The following ALPK1 variants were observed in gnomAD, a reference collection of about 807,000 sequenced individuals.
ALPK1 encodes alpha-protein kinase 1.
ALPK1 carries 110 observed loss-of-function variants against 120.6 expected under a neutral mutation model. The ratio of observed to expected loss-of-function variants is 0.91; its 90% CI spans 0.78 to 1.07. The LOEUF (loss-of-function observed/expected upper bound fraction) is 1.07. ALPK1 is among the 50% of genes least tolerant of loss of function. ALPK1 has a pLI of 0.00. For synonymous variants in ALPK1, 582 were observed against 560.3 expected (o/e 1.04, Z -0.55); for missense variants, 1,498 against 1,483.9 (o/e 1.01, Z -0.16).
chr4:112,396,662 C>T (rs888124650), intron 4 of ALPK1, among the ~76,000 whole-genome samples: 2 of 152,194 alleles, frequency 1.3e-5, no homozygotes, highest in African/African-American at 4.8e-5. Flanking sequence ...CAATCTCACC[C>T]TCAATCCACT....
At chr4:112,409,303 T>C (rs1034841271) in intron 4 of ALPK1, among the ~76,000 whole-genome samples, 3 of 152,082 alleles carry the variant, frequency 2.0e-5, no homozygotes, top group Non-Finnish European at 4.4e-5. Context: ...GCAGTTTCCC[T>C]AGAAAGGGTT....
chr4:112,380,380 C>G (rs1578518286), intron 3 of ALPK1, among the ~76,000 whole-genome samples: 1 of 152,178 alleles, frequency 6.6e-6, no homozygotes, highest in East Asian at 1.9e-4. Context: ...ACAGTAGATG[C>G]TCAGTAGTCC....
Position 112,411,811 on chromosome 4 carries a change from C to G in ALPK1, c.277-16C>G. 6.2e-7 allele frequency: 1 copy of G among 1,600,382 alleles called. No homozygotes were observed. Among genetic ancestry groups the G allele is most frequent in the Non-Finnish European group, 8.5e-7 (1 of 1,173,838 alleles). ...CGTTTCCGCCTGGCTCACGATGTTC[C>G]ACGCTGTTCCTCCAGGCGTCCCTGA... On this transcript the variant is annotated splice_polypyrimidine_tract_variant and intron_variant, in intron 4 of 15. Transcript: ENST00000650871.
chr4:112,315,185 T>C (rs756189648), intron 1 of ALPK1, among the ~76,000 whole-genome samples: 1 of 152,096 alleles, frequency 6.6e-6, no homozygotes, highest in Non-Finnish European at 1.5e-5. Flanking sequence ...CCCGGCCACA[T>C]TGTCATTTTA....
At chr4:112,391,559 T>C (rs897935914) in intron 4 of ALPK1, among the ~76,000 whole-genome samples, 1 of 152,252 alleles carries the variant, frequency 6.6e-6, no homozygotes, top group East Asian at 1.9e-4. Flanking sequence ...CATACTGGAG[T>C]AGGGTGAGCC....
intron 2 of ALPK1, chr4:112,356,084 G>A (rs1730598726): frequency 1.9e-6 from 2 of 1,080,298 alleles, no homozygotes; most frequent in East Asian, 2.4e-5. Context: ...TCACAGACCC[G>A]AATAGCCTGC....
At position 112,430,905 on chromosome 4, in the gene ALPK1, A is replaced by C. The variant is rs1734512951; in HGVS notation, c.1358A>C (p.Gln453Pro). The C allele has an allele frequency of 6.2e-7, 1 of 1,614,066 alleles. No individual in the cohort carries two copies. Among genetic ancestry groups the C allele is most frequent in the African/African-American group, 1.3e-5 (1 of 74,940 alleles). Residue 453 changes from glutamine to proline, a missense_variant, in exon 11 of 16, where the codon CAA becomes CCA. By Grantham distance (76) the Gln-to-Pro change is moderately conservative (BLOSUM62 -1). Transcript: ENST00000650871. ...KLILHGQGDF[Q>P]KILDTYSQHH... is the part of the protein sequence containing the mutation. ...ATCTTGCATGGGCAAGGGGATTTCC[A>C]AAAAATCCTTGACACCTATTCACAG...
chr4:112,345,720 T>A (rs979302225), intron 2 of ALPK1, among the ~76,000 whole-genome samples: 1 of 152,336 alleles, frequency 6.6e-6, no homozygotes, highest in Middle Eastern at 3.4e-3. Flanking sequence ...CTTCATGTAC[T>A]CTTATGTAGC....
At chr4:112,359,151 C>G in intron 2 of ALPK1, 1 of 674,138 alleles carries the variant, frequency 1.5e-6, no homozygotes, top group South Asian at 1.5e-5. Context: ...CAGAGAGCAC[C>G]TCAACCAGGG....
intron 4 of ALPK1, among the ~76,000 whole-genome samples, chr4:112,402,421 G>A (rs1052589230): frequency 1.3e-5 from 2 of 152,220 alleles, no homozygotes; most frequent in African/African-American, 4.8e-5. Flanking sequence ...TTTCCTTGCT[G>A]CTGTTTAGCA....
chr4:112,411,928 A>T lies in ALPK1; in HGVS notation c.378A>T (p.Lys126Asn), dbSNP rs1335749873. ...TGTATGGGCTCGACGTCTCTGGAAA[A>T]CTTCTGCAGGTCGCCAAAGGTCTCC... The part of the protein sequence containing the change: ...RFLYGLDVSG[K>N]LLQVAKGLHK... The change falls in exon 5 of 16, where the codon AAA (lysine) becomes AAT (asparagine). Residue 126 changes from lysine to asparagine, a missense_variant. Coordinates refer to ENST00000650871, the MANE Select transcript of ALPK1 (RefSeq NM_025144.4). 6.2e-6 allele frequency: 10 copies of T among 1,613,030 alleles called. No homozygotes were observed. In the South Asian group the frequency reaches 6.6e-5, roughly 11 times the overall value.
Position 112,438,596 on chromosome 4 carries a change from G to A in ALPK1, c.3301G>A (p.Glu1101Lys), listed in dbSNP as rs61163026. 8.9e-4 allele frequency: 1,432 copies of A among 1,613,828 alleles called. 14 individuals are homozygous for A. The African/African-American group carries it at 0.016, about 18-fold the overall frequency. ...YVTEFNKRLYEQNIPTQIFYI... is the reference protein window; with the variant it reads ...YVTEFNKRLYKQNIPTQIFYI... ...GACAGAATTTAACAAGAGACTCTAT[G>A]AACAAAACATTCCCACCCAGATATT... The change falls in exon 13 of 16, where the codon GAA becomes AAA. Residue 1101 changes from glutamate (E) to lysine (K), a missense_variant. Coordinates refer to ENST00000650871, the MANE Select transcript of ALPK1 (RefSeq NM_025144.4).
chr4:112,327,311 A>T (rs1157104410), intron 2 of ALPK1, among the ~76,000 whole-genome samples: 1 of 152,224 alleles, frequency 6.6e-6, no homozygotes, highest in South Asian at 2.1e-4. Context: ...ACAAGACTTC[A>T]TAAATTTGGC....
chr4:112,330,450 G>A (rs1729316326), intron 2 of ALPK1, among the ~76,000 whole-genome samples: 1 of 152,164 alleles, frequency 6.6e-6, no homozygotes, highest in Non-Finnish European at 1.5e-5. Context: ...GTTAAGGTAT[G>A]AACATATGCA....
At chr4:112,334,006 A>G (rs1200509029) in intron 2 of ALPK1, among the ~76,000 whole-genome samples, 1 of 151,902 alleles carries the variant, frequency 6.6e-6, no homozygotes, top group African/African-American at 2.4e-5. Context: ...AGCAACACTG[A>G]TGTATTGTTT....
At chr4:112,342,121 T>C (rs1729888438) in intron 2 of ALPK1, among the ~76,000 whole-genome samples, 1 of 152,228 alleles carries the variant, frequency 6.6e-6, no homozygotes, top group South Asian at 2.1e-4. Context: ...ACTTTAAAAA[T>C]AGCACTATGA....
intron 2 of ALPK1, among the ~76,000 whole-genome samples, chr4:112,370,951 A>G (rs1731379639): frequency 6.6e-6 from 1 of 152,180 alleles, no homozygotes; most frequent in Non-Finnish European, 1.5e-5. Flanking sequence ...TACAGAATAG[A>G]TGCATTTATG....
At chr4:112,422,124 G>A (rs918602711) in intron 5 of ALPK1, among the ~76,000 whole-genome samples, 1 of 152,162 alleles carries the variant, frequency 6.6e-6, no homozygotes, top group Non-Finnish European at 1.5e-5. Context: ...CTGGACAAAG[G>A]AATGGTTCAT....
chr4:112,422,988 G>A (rs1734067400), intron 5 of ALPK1, among the ~76,000 whole-genome samples: 1 of 152,242 alleles, frequency 6.6e-6, no homozygotes, highest in Non-Finnish European at 1.5e-5. Context: ...TCAAGGTGAA[G>A]GGAAATAAAC....
Sources: gnomAD v4.1 joint callset for allele counts (sites outside exome capture counted in the v4.1 genomes callset) on GRCh38, gnomAD v4.1.1 for gene constraint, MANE v1.5 for transcripts, NCBI Gene and HGNC (gene_info 2026-07-23, HGNC 2026-07-21) for gene names.